SMC4: variants seen among roughly 807,000 people sequenced by gnomAD.
SMC4 encodes the protein structural maintenance of chromosomes 4.
In SMC4, 87 loss-of-function variants were observed where a neutral mutation model predicts 145.6. The ratio of observed to expected loss-of-function variants is 0.60; its 90% CI spans 0.50 to 0.71. SMC4 has a LOEUF of 0.71. SMC4 is among the 30% of genes least tolerant of loss of function. SMC4 has a pLI of 0.00. For synonymous variants in SMC4, 558 were observed against 500.7 expected, an observed-to-expected ratio of 1.11 and a Z score of -1.53; for missense variants, 1,447 against 1,537.1, an observed-to-expected ratio of 0.94 and a Z score of 0.98.
At chr3:160,408,599 A>T (rs1271051163) in intron 5 of SMC4, among the ~76,000 whole-genome samples, 1 of 152,244 alleles carries the variant, frequency 6.6e-6, no homozygotes, top group Non-Finnish European at 1.5e-5. Flanking sequence ...GAACCTTGAT[A>T]TGACTTTAAA....
intron 9 of SMC4, among the ~76,000 whole-genome samples, chr3:160,414,778 T>G (rs1461412619): frequency 2.0e-5 from 3 of 152,080 alleles, no homozygotes; most frequent in Non-Finnish European, 4.4e-5. Context: ...TGCAGTGGTA[T>G]GATTATAGTC....
At chr3:160,401,492 A>G (rs1429828348) in intron 2 of SMC4, among the ~76,000 whole-genome samples, 2 of 152,192 alleles carry the variant, frequency 1.3e-5, no homozygotes, top group Non-Finnish European at 2.9e-5. Context: ...GCTGAAGTTC[A>G]TGAGTTTCCA....
chr3:160,416,453 C>G (rs1576964230), intron 10 of SMC4, 38 bp downstream of exon 10: 1 of 1,006,108 alleles, frequency 9.9e-7, no homozygotes, highest in Admixed American at 3.1e-5. Context: ...ATTTTGGTGG[C>G]TTTTTTTTTT....
chr3:160,404,092 G>A, intron 4 of SMC4: 1 of 417,826 alleles, frequency 2.4e-6, no homozygotes, highest in Non-Finnish European at 4.2e-6. Context: ...TCGTTGGCTG[G>A]TTGGTTTGGC....
chr3:160,424,087 T>G (rs181099382), intron 15 of SMC4, among the ~76,000 whole-genome samples: 7 of 152,300 alleles, frequency 4.6e-5, no homozygotes, highest in Admixed American at 3.9e-4. Context: ...CATACAGATA[T>G]TCCATAACTT....
At chr3:160,400,607 T>TG in intron 1 of SMC4, 5 of 522,444 alleles carry the variant, frequency 9.6e-6, no homozygotes, top group Non-Finnish European at 1.6e-5. Context: ...CAGGCACGTC[T>TG]AGATTTTCCC....
chr3:160,423,972 A>G (rs1276191242), intron 15 of SMC4, 132 bp downstream of exon 15: 1 of 548,720 alleles, frequency 1.8e-6, no homozygotes, highest in East Asian at 3.0e-5. Context: ...GTTTTCTATA[A>G]ATGACTAGGG....
chr3:160,408,321 C>T (rs1715578402), intron 5 of SMC4, among the ~76,000 whole-genome samples: 1 of 152,166 alleles, frequency 6.6e-6, no homozygotes, highest in South Asian at 2.1e-4. Context: ...TCTTAGATTT[C>T]TAAGCTGTAT....
Position 160,417,887 on chromosome 3 carries a change from C to CA in SMC4, c.1605dup (p.Glu536ArgfsTer17), listed in dbSNP as rs1560001829. On this transcript the variant is annotated frameshift_variant, in exon 11 of 24. Coordinates refer to ENST00000357388, the MANE Select transcript of SMC4 (RefSeq NM_001002800.3). LOFTEE classifies it high-confidence loss of function. ...CTCTAATTGCAGCTTCTGAGACTCT[C>CA]AAAGAAAGGAAAGCTGCAATCAGAG... 6.2e-7 allele frequency: 1 copy of CA among 1,613,540 alleles called. No homozygotes were observed. Among genetic ancestry groups the CA allele is most frequent in the Non-Finnish European group, 8.5e-7 (1 of 1,179,752 alleles).
chr3:160,414,645 C>A, intron 9 of SMC4, 128 bp downstream of exon 9: 1 of 986,942 alleles, frequency 1.0e-6, no homozygotes, highest in Non-Finnish European at 1.5e-6. Flanking sequence ...AGGTTTGTCT[C>A]TGAACATGAT....
rs560487626 is a variant in SMC4 at position 160,424,095 on chromosome 3, CTT to C, written c.2325+256_2325+257del. Among the ~76,000 whole-genome samples the C allele has an allele frequency of 2.2e-3, 339 of 152,162 alleles. 1 individual carries two copies. The highest frequency in any genetic ancestry group is 0.01 in the Middle Eastern group (3 of 294). Reference sequence around the variant, plus strand: ...TTTGGATCATACAGATATTCCATAACTTACATAATTATTTCTGTTTTACATTT... The same window carrying C: ...TTTGGATCATACAGATATTCCATAACACATAATTATTTCTGTTTTACATTT... On this transcript the variant is annotated intron_variant, in intron 15 of 23. Transcript: ENST00000357388.
intron 5 of SMC4, among the ~76,000 whole-genome samples, chr3:160,411,342 G>A (rs1715972742): frequency 1.3e-5 from 2 of 152,042 alleles, no homozygotes; most frequent in Non-Finnish European, 2.9e-5. Flanking sequence ...CTTGTTTTTA[G>A]AAAACTGAAC....
At chr3:160,401,327 T>C (rs1559985429) in intron 2 of SMC4, among the ~76,000 whole-genome samples, 1 of 152,130 alleles carries the variant, frequency 6.6e-6, no homozygotes, top group Non-Finnish European at 1.5e-5. Context: ...ACAATCAATA[T>C]GACTATGTGA....
chr3:160,416,132 C>T lies in SMC4; in HGVS notation c.1273-119C>T, dbSNP rs1716551342. ...CTTGTTAAAGCTAGCTAATTTAACTCTGATTATAAAGAAAAGAAGAACTAG... is the reference window on the plus strand; with the variant it reads ...CTTGTTAAAGCTAGCTAATTTAACTTTGATTATAAAGAAAAGAAGAACTAG... On this transcript the variant is annotated intron_variant, in intron 9 of 23. Coordinates refer to ENST00000357388, the MANE Select transcript of SMC4 (RefSeq NM_001002800.3). The T allele has an allele frequency of 5.2e-6, 3 of 575,694 alleles. No homozygotes were observed. The South Asian group carries it at 1.6e-4, about 31-fold the overall frequency. 35.7% of individuals were successfully genotyped at this position (575,694 alleles called of 1,614,324 possible).
chr3:160,410,485 A>G (rs1463958767), intron 5 of SMC4, among the ~76,000 whole-genome samples: 1 of 152,228 alleles, frequency 6.6e-6, no homozygotes, highest in Non-Finnish European at 1.5e-5. Context: ...TTTAGAGAGA[A>G]CTAACAGTTG....
At chr3:160,415,209 A>C (rs1716454531) in intron 9 of SMC4, among the ~76,000 whole-genome samples, 1 of 152,230 alleles carries the variant, frequency 6.6e-6, no homozygotes. Context: ...CCATCTCTAC[A>C]GAAAATCCAA....
rs78802184 is a variant in SMC4 at position 160,416,736 on chromosome 3, A to G, written c.1437+321A>G. On this transcript the variant is annotated intron_variant, in intron 10 of 23. Coordinates refer to ENST00000357388, the MANE Select transcript of SMC4 (RefSeq NM_001002800.3). Reference sequence around the variant, plus strand: ...TGCCACCTGTAAAACCTGGAGCCACACTAAGCGCAGGTTAATGTCTCTTTT... The same window carrying G: ...TGCCACCTGTAAAACCTGGAGCCACGCTAAGCGCAGGTTAATGTCTCTTTT... 1,073 of 163,538 alleles carry G rather than the reference A, an allele frequency of 6.6e-3. 11 individuals are homozygous for G. Among genetic ancestry groups the G allele is most frequent in the African/African-American group, 0.024 (1,003 of 41,946 alleles). 10.1% of individuals were successfully genotyped at this position (163,538 alleles called of 1,614,324 possible).
chr3:160,400,228 C>G (rs980208974), intron 1 of SMC4: 2 of 152,360 alleles, frequency 1.3e-5, no homozygotes, highest in Non-Finnish European at 2.9e-5. Context: ...TAGTCCCAGC[C>G]TTCGCCCTTC....
intron 9 of SMC4, among the ~76,000 whole-genome samples, chr3:160,415,285 T>C (rs1442566498): frequency 2.0e-5 from 3 of 152,248 alleles, no homozygotes; most frequent in Admixed American, 2.0e-4. Context: ...GGCGGCAGGA[T>C]GCCTTGAGTT....
Sources: allele counts gnomAD v4.1 joint callset (sites outside exome capture counted in the v4.1 genomes callset), GRCh38; gene constraint gnomAD v4.1.1; transcripts MANE v1.5; gene names NCBI Gene and HGNC (gene_info 2026-07-23, HGNC 2026-07-21).